PARP16: variants seen among roughly 807,000 people sequenced by gnomAD.
PARP16 encodes the protein poly(ADP-ribose) polymerase family member 16, also known as protein mono-ADP-ribosyltransferase PARP16.
In PARP16, 31 loss-of-function variants were observed where a neutral mutation model predicts 35.0. The observed-to-expected ratio is 0.88, with a 90% CI of 0.66 to 1.19. The LOEUF (loss-of-function observed/expected upper bound fraction) is 1.19. PARP16 is among the 50% of genes most tolerant of loss of function. PARP16 has a pLI of 0.00. For synonymous variants in PARP16, 162 were observed against 169.5 expected, an observed-to-expected ratio of 0.96 and a Z score of 0.34; for missense variants, 424 against 411.2, an observed-to-expected ratio of 1.03 and a Z score of -0.27.
chr15:65,284,332 TTCC>T (rs1387354642), intron 1 of PARP16, among the ~76,000 whole-genome samples: 1 of 144,100 alleles, frequency 6.9e-6, no homozygotes. Flanking sequence ...ATAATTTTCT[TTCC>T]TCTTTTTTTT....
intron 4 of PARP16, among the ~76,000 whole-genome samples, chr15:65,261,320 T>C (rs979218073): frequency 4.6e-5 from 7 of 151,096 alleles, no homozygotes; most frequent in Middle Eastern, 3.2e-3. Context: ...AGCAAAGAAA[T>C]ACGCTGGGAC....
At chr15:65,284,561 C>T (rs543092309) in intron 1 of PARP16, among the ~76,000 whole-genome samples, 17 of 151,816 alleles carry the variant, frequency 1.1e-4, no homozygotes, top group East Asian at 3.9e-4. Flanking sequence ...CTCCTGACCT[C>T]GTGATCCACC....
chr15:65,268,404 C>T (rs2089975684), intron 2 of PARP16, among the ~76,000 whole-genome samples: 1 of 152,148 alleles, frequency 6.6e-6, no homozygotes, highest in African/African-American at 2.4e-5. Flanking sequence ...AGCCCAGAAC[C>T]ACCCAACCAA....
intron 1 of PARP16, chr15:65,282,751 T>C (rs2090457840): frequency 6.6e-6 from 1 of 152,154 alleles, no homozygotes; most frequent in African/African-American, 2.4e-5. Context: ...GGGCAGTCTG[T>C]CTCTATAGAG....
chr15:65,266,728 G>C lies in PARP16; in HGVS notation c.353C>G (p.Pro118Arg). 6.2e-7 allele frequency: 1 copy of C among 1,614,162 alleles called. No individual in the cohort carries two copies. Among genetic ancestry groups the C allele is most frequent in the Non-Finnish European group, 8.5e-7 (1 of 1,180,002 alleles). The change falls in exon 3 of 6, where the codon CCT becomes CGT. Residue 118 changes from proline to arginine, a missense_variant. By Grantham distance (103) the Pro-to-Arg change is moderately radical. Transcript: ENST00000649807. ...AAACAGGAAGTCCGGTGCAGGAACA[G>C]GCGTGTGAGGAGCCCCAGTCAGCTT... ...IQKLTGAPHT[P>R]VPAPDFLFEI...
At chr15:65,281,078 C>T (rs541561234) in intron 1 of PARP16, among the ~76,000 whole-genome samples, 1 of 152,282 alleles carries the variant, frequency 6.6e-6, no homozygotes, top group African/African-American at 2.4e-5. Context: ...AGAAGCCATT[C>T]CCACACACTT....
intron 3 of PARP16, chr15:65,234,908 T>C (rs2088836148): frequency 6.6e-6 from 1 of 152,164 alleles, no homozygotes; most frequent in Non-Finnish European, 1.5e-5. Context: ...CCCAGCACTT[T>C]GGGAGGCTGA....
chr15:65,286,189 C>G, intron 1 of PARP16, 64 bp downstream of exon 1: 5 of 1,323,566 alleles, frequency 3.8e-6, no homozygotes, highest in Middle Eastern at 1.9e-4. Flanking sequence ...CTGCCTCTAC[C>G]TGTGGTTCCA....
Position 65,280,028 on chromosome 15 carries a change from G to A in PARP16, c.174+6225C>T, listed in dbSNP as rs144158228. Among the ~76,000 whole-genome samples, 141 of 152,016 alleles carry A rather than the reference G, an allele frequency of 9.3e-4. 1 individual carries two copies. The highest frequency in any genetic ancestry group is 3.2e-3 in the African/African-American group (134 of 41,496). ...TTGTAGACCAGCTAGGCAACATAGC[G>A]AGACTCCTGCCTTTTTTCTTTTAAT... is the stretch of plus-strand genomic sequence containing the variant. On this transcript the variant is annotated intron_variant, in intron 1 of 5. Coordinates refer to ENST00000649807, the MANE Select transcript of PARP16 (RefSeq NM_001316943.2).
chr15:65,263,240 C>T lies in PARP16; in HGVS notation c.600G>A (p.Trp200Ter), dbSNP rs756312315. Residue 200 changes from tryptophan to a stop codon, truncating the protein, a stop_gained, in exon 4 of 6, where the codon TGG becomes TGA. Transcript: ENST00000649807. LOFTEE classifies it high-confidence loss of function. ...GGATGGGGCCGAGGAGGCTGTGCTG[C>T]CACCCATGGCCATGGGGGCTGTATA... ...ALIYSPHGHGWQHSLLGPILS... is the reference protein window; with the variant it reads ...ALIYSPHGHG 6 of 1,614,002 alleles carry T rather than the reference C, an allele frequency of 3.7e-6. No individual in the cohort carries two copies. In the South Asian group the frequency reaches 6.6e-5, roughly 18 times the overall value.
chr15:65,250,966 C>A (rs2089344136), intron 2 of PARP16, among the ~76,000 whole-genome samples: 1 of 152,132 alleles, frequency 6.6e-6, no homozygotes, highest in South Asian at 2.1e-4. Flanking sequence ...TCGCTACAAC[C>A]TTTGCCTCCC....
intron 3 of PARP16, among the ~76,000 whole-genome samples, chr15:65,235,180 G>A (rs1165699416): frequency 1.3e-5 from 2 of 151,900 alleles, no homozygotes; most frequent in Non-Finnish European, 2.9e-5. Flanking sequence ...AGTGGTGGGC[G>A]CCTGTAGTCC....
At chr15:65,259,565 TG>T in intron 5 of PARP16, 23 bp from the exon 6 acceptor site, 1 of 1,607,464 alleles carries the variant, frequency 6.2e-7, no homozygotes, top group Non-Finnish European at 8.5e-7. Context: ...GAAAAAAGAG[TG>T]GTGTTGGCAA....
intron 1 of PARP16, among the ~76,000 whole-genome samples, chr15:65,276,938 C>T (rs536259536): frequency 8.0e-5 from 12 of 150,866 alleles, no homozygotes; most frequent in Non-Finnish European, 1.2e-4. Context: ...ACCGAGATCA[C>T]GCCACTGCAC....
chr15:65,242,957 C>T (rs183540285), intron 3 of PARP16, among the ~76,000 whole-genome samples: 3 of 152,172 alleles, frequency 2.0e-5, no homozygotes, highest in Non-Finnish European at 1.5e-5. Flanking sequence ...TCAGGTGATC[C>T]GCCCACCTCA....
chr15:65,270,172 G>C (rs947183363), intron 2 of PARP16, among the ~76,000 whole-genome samples: 3 of 152,194 alleles, frequency 2.0e-5, no homozygotes, highest in Non-Finnish European at 4.4e-5. Flanking sequence ...ATGGGTAAAG[G>C]AAGAGCACCA....
At chr15:65,270,267 T>G (rs1480888955) in intron 2 of PARP16, among the ~76,000 whole-genome samples, 1 of 152,216 alleles carries the variant, frequency 6.6e-6, no homozygotes, top group Non-Finnish European at 1.5e-5. Flanking sequence ...AACCAAATTA[T>G]GGAATGTCTG....
At chr15:65,277,114 T>A (rs2090282904) in intron 1 of PARP16, among the ~76,000 whole-genome samples, 2 of 152,110 alleles carry the variant, frequency 1.3e-5, no homozygotes, top group African/African-American at 4.8e-5. Context: ...CCTCTTTGCT[T>A]AACAGTACCT....
intron 3 of PARP16, among the ~76,000 whole-genome samples, chr15:65,244,218 C>T (rs546317528): frequency 6.6e-6 from 1 of 152,248 alleles, no homozygotes; most frequent in African/African-American, 2.4e-5. Context: ...TACTATCTCC[C>T]ACATAATCTC....
Sources: allele counts gnomAD v4.1 joint callset (sites outside exome capture counted in the v4.1 genomes callset), GRCh38; gene constraint gnomAD v4.1.1; transcripts MANE v1.5; gene names NCBI Gene and HGNC (gene_info 2026-07-23, HGNC 2026-07-21).